The following MAGI2 variants were observed in gnomAD, a reference collection of about 807,000 sequenced individuals.
The protein encoded by MAGI2 is membrane-associated guanylate kinase, WW and PDZ domain-containing protein 2.
MAGI2 carries 35 observed loss-of-function variants against 133.3 expected under a neutral mutation model. The observed-to-expected ratio is 0.26, with a 90% CI of 0.20 to 0.35. The LOEUF (loss-of-function observed/expected upper bound fraction) is 0.35, where lower values mean the gene tolerates loss of function less well. Among genes scored for constraint, MAGI2 ranks in the 10% least tolerant of loss-of-function variants. MAGI2 has a pLI of 1.00. For missense variants in MAGI2, 1,636 were observed against 1,863.4 expected, an observed-to-expected ratio of 0.88 and a Z score of 2.25; for synonymous variants, 729 against 710.6, an observed-to-expected ratio of 1.03 and a Z score of -0.41.
At chr7:78,957,809 T>C (rs1429625029) in intron 2 of MAGI2, among the ~76,000 whole-genome samples, 1 of 152,094 alleles carries the variant, frequency 6.6e-6, no homozygotes, top group East Asian at 1.9e-4. Flanking sequence ...TGTTGCTACC[T>C]CTCAACATGT....
intron 2 of MAGI2, among the ~76,000 whole-genome samples, chr7:78,850,349 G>A (rs1026271229): frequency 2.6e-5 from 4 of 152,102 alleles, no homozygotes; most frequent in Admixed American, 2.0e-4. Flanking sequence ...CAGAAGGAGA[G>A]TATAACATCC....
intron 6 of MAGI2, among the ~76,000 whole-genome samples, chr7:78,407,183 G>C (rs139777678): frequency 4.5e-4 from 69 of 152,116 alleles, no homozygotes; most frequent in Non-Finnish European, 8.5e-4. Context: ...TTATGAGAAA[G>C]GAAGGATCCG....
intron 2 of MAGI2, among the ~76,000 whole-genome samples, chr7:78,672,229 T>C (rs937725886): frequency 6.6e-6 from 1 of 152,042 alleles, no homozygotes; most frequent in Admixed American, 6.6e-5. Flanking sequence ...TGGTAAGCAG[T>C]TTACATTAGA....
chr7:78,895,948 T>C (rs953042957), intron 2 of MAGI2, among the ~76,000 whole-genome samples: 18 of 152,212 alleles, frequency 1.2e-4, no homozygotes, highest in African/African-American at 3.9e-4. Context: ...TATCAAATTA[T>C]ATAAGTAATG....
chr7:79,427,342 C>T (rs1279974021), intron 1 of MAGI2, among the ~76,000 whole-genome samples: 1 of 152,108 alleles, frequency 6.6e-6, no homozygotes, highest in Admixed American at 6.6e-5. Context: ...CAAACCCACA[C>T]ATTCTGCACA....
At chr7:79,323,478 T>A (rs575486585) in intron 1 of MAGI2, among the ~76,000 whole-genome samples, 1 of 152,000 alleles carries the variant, frequency 6.6e-6, no homozygotes, top group South Asian at 2.1e-4. Context: ...CGGCAGTGGG[T>A]GTGAAGACCA....
At chr7:78,034,115 T>A (rs79687589) in intron 21 of MAGI2, among the ~76,000 whole-genome samples, 5,979 of 152,304 alleles carry the variant, frequency 0.039, 411 homozygotes, top group African/African-American at 0.14. Flanking sequence ...GAAATTCTAC[T>A]AATTTTGTGG....
intron 6 of MAGI2, among the ~76,000 whole-genome samples, chr7:78,370,479 C>T (rs939887354): frequency 2.9e-4 from 44 of 151,994 alleles, no homozygotes; most frequent in African/African-American, 1.0e-3. Flanking sequence ...ATTGGACCTA[C>T]TAAAATGTAA....
chr7:79,294,721 C>T (rs1284006460), intron 1 of MAGI2, among the ~76,000 whole-genome samples: 18 of 83,154 alleles, frequency 2.2e-4, no homozygotes, highest in Admixed American at 6.1e-4. Context: ...ATTTTGGTAG[C>T]TTTTTTTTTT....
intron 3 of MAGI2, among the ~76,000 whole-genome samples, chr7:78,593,085 T>G (rs528893015): frequency 2.5e-4 from 38 of 151,694 alleles, no homozygotes; most frequent in African/African-American, 8.0e-4. Context: ...CCTCCCAAAT[T>G]GCTAGGATTA....
At chr7:79,371,176 T>C (rs1843029200) in intron 1 of MAGI2, among the ~76,000 whole-genome samples, 1 of 152,264 alleles carries the variant, frequency 6.6e-6, no homozygotes, top group East Asian at 1.9e-4. Flanking sequence ...ATTTTTTTAC[T>C]TAGGAATTTT....
At chr7:78,815,700 A>T (rs181687340) in intron 2 of MAGI2, among the ~76,000 whole-genome samples, 1 of 152,212 alleles carries the variant, frequency 6.6e-6, no homozygotes, top group Non-Finnish European at 1.5e-5. Context: ...TGATGTTACT[A>T]TTGTAATTGT....
chr7:78,706,839 T>C (rs1818699560), intron 2 of MAGI2, among the ~76,000 whole-genome samples: 1 of 151,940 alleles, frequency 6.6e-6, no homozygotes, highest in African/African-American at 2.4e-5. Flanking sequence ...GGTAGGGCAT[T>C]AGAAATGGGA....
chr7:78,374,192 G>A (rs1220106543), intron 6 of MAGI2, among the ~76,000 whole-genome samples: 2 of 152,116 alleles, frequency 1.3e-5, no homozygotes, highest in African/African-American at 4.8e-5. Flanking sequence ...TTCCATGTAA[G>A]TGTTCCCCTT....
intron 15 of MAGI2, 123 bp downstream of exon 15, chr7:78,167,793 T>A (rs957230991): frequency 1.1e-6 from 1 of 871,886 alleles, no homozygotes; most frequent in Non-Finnish European, 1.8e-6. Flanking sequence ...ATATCTAGGT[T>A]GTTTCCTTCC....
intron 2 of MAGI2, among the ~76,000 whole-genome samples, chr7:78,923,692 C>T (rs1440753443): frequency 6.6e-6 from 1 of 152,034 alleles, no homozygotes; most frequent in African/African-American, 2.4e-5. Flanking sequence ...TTTTTGGTTC[C>T]ATGTGAACTT....
chr7:78,796,598 T>C (rs868857782), intron 2 of MAGI2, among the ~76,000 whole-genome samples: 18 of 152,156 alleles, frequency 1.2e-4, no homozygotes, highest in African/African-American at 4.3e-4. Context: ...AACTTTAAAA[T>C]AGCATATGAT....
At position 78,664,765 on chromosome 7, in the gene MAGI2, C is replaced by CA. The variant is rs200465546; in HGVS notation, c.419-37527dup. Among the ~76,000 whole-genome samples, 167 of 151,324 alleles carry CA rather than the reference C, an allele frequency of 1.1e-3. 1 individual carries two copies. The highest frequency in any genetic ancestry group is 3.5e-3 in the African/African-American group (146 of 41,356). On this transcript the variant is annotated intron_variant, in intron 2 of 21. Transcript: ENST00000354212. Reference sequence around the variant, plus strand: ...TTATTAATACGTGCCTAAGTAAAAACAAAAAAATAAGAAAAGGGAAGGTAT... The same window carrying CA: ...TTATTAATACGTGCCTAAGTAAAAACAAAAAAAATAAGAAAAGGGAAGGTAT...
intron 2 of MAGI2, among the ~76,000 whole-genome samples, chr7:78,641,362 T>C (rs923023279): frequency 6.6e-6 from 1 of 152,184 alleles, no homozygotes; most frequent in Non-Finnish European, 1.5e-5. Flanking sequence ...GTAAATATTC[T>C]AGGCTTTGCT....
Sources: allele counts gnomAD v4.1 joint callset (sites outside exome capture counted in the v4.1 genomes callset), GRCh38; gene constraint gnomAD v4.1.1; transcripts MANE v1.5; gene names NCBI Gene and HGNC (gene_info 2026-07-23, HGNC 2026-07-21).